The following IMPA1 variants were observed in gnomAD, a reference collection of about 807,000 sequenced individuals.
IMPA1 encodes the protein inositol monophosphatase 1, also known as D-galactose 1-phosphate phosphatase.
A neutral mutation model predicts 34.9 loss-of-function variants in IMPA1; 21 were observed. That is an observed-to-expected ratio of 0.60 (90% CI 0.43 to 0.87). The LOEUF (loss-of-function observed/expected upper bound fraction) is 0.87. IMPA1 is among the 40% of genes least tolerant of loss of function. The pLI, the probability that IMPA1 is intolerant of heterozygous loss-of-function variation, is 0.00. For synonymous variants in IMPA1, 95 were observed against 104.4 expected, an observed-to-expected ratio of 0.91 and a Z score of 0.55; for missense variants, 299 against 336.4, an observed-to-expected ratio of 0.89 and a Z score of 0.87.
intron 5 of IMPA1, 73 bp from the exon 6 acceptor site, chr8:81,674,022 G>T: frequency 2.3e-6 from 2 of 887,220 alleles, no homozygotes; most frequent in Non-Finnish European, 1.9e-6. Flanking sequence ...AAAATAACAA[G>T]ACAATCTGGT....
At chr8:81,684,428 T>C (rs10092874) in intron 1 of IMPA1, among the ~76,000 whole-genome samples, 1 of 144,914 alleles carries the variant, frequency 6.9e-6, no homozygotes, top group South Asian at 2.2e-4. Flanking sequence ...TAGTATACTA[T>C]ACATAAGTAT....
intron 7 of IMPA1, 29 bp downstream of exon 7, chr8:81,670,910 G>T: frequency 1.7e-6 from 2 of 1,159,848 alleles, no homozygotes; most frequent in Non-Finnish European, 2.5e-6. Context: ...TATACAAAGA[G>T]AGAGATAGAA....
At chr8:81,682,762 T>C (rs956978810) in intron 1 of IMPA1, among the ~76,000 whole-genome samples, 2 of 152,146 alleles carry the variant, frequency 1.3e-5, no homozygotes, top group Non-Finnish European at 2.9e-5. Flanking sequence ...ACAGCACTAA[T>C]GTAACTCTAC....
Position 81,673,931 on chromosome 8 carries a change from A to G in IMPA1, c.367T>C (p.Tyr123His). Reference protein sequence around the residue: ...VNKKIEFGVVYSCVEGKMYTA... With the variant: ...VNKKIEFGVVHSCVEGKMYTA... ...TACATCTTGCCTTCCACACAACTGT[A>G]CACAACTCCAAATTCTATCTGCAGA... The change falls in exon 6 of 9, where the codon TAC becomes CAC. Residue 123 changes from tyrosine (Y) to histidine (H), a missense_variant. Coordinates refer to ENST00000256108, the MANE Select transcript of IMPA1 (RefSeq NM_005536.4). The G allele has an allele frequency of 6.2e-7, 1 of 1,610,874 alleles. No homozygotes were observed. The highest frequency in any genetic ancestry group is 8.5e-7 in the Non-Finnish European group (1 of 1,177,308).
intron 7 of IMPA1, among the ~76,000 whole-genome samples, chr8:81,663,864 C>G (rs1806744711): frequency 6.6e-6 from 1 of 151,942 alleles, no homozygotes; most frequent in Non-Finnish European, 1.5e-5. Context: ...ATGGTGAAAC[C>G]CCATCTCTAC....
At chr8:81,680,344 C>G (rs192118115) in intron 3 of IMPA1, among the ~76,000 whole-genome samples, 1 of 152,092 alleles carries the variant, frequency 6.6e-6, no homozygotes, top group Non-Finnish European at 1.5e-5. Context: ...GTGCCACCTG[C>G]TCTGGACTAG....
chr8:81,662,482 CCAAA>C (rs1245244999), intron 7 of IMPA1, among the ~76,000 whole-genome samples: 1 of 152,110 alleles, frequency 6.6e-6, no homozygotes, highest in East Asian at 1.9e-4. Context: ...GAAAGGATTA[CCAAA>C]CAGATTACTT....
At chr8:81,666,374 C>A (rs1385379131) in intron 7 of IMPA1, among the ~76,000 whole-genome samples, 1 of 152,054 alleles carries the variant, frequency 6.6e-6, no homozygotes, top group Non-Finnish European at 1.5e-5. Context: ...TTATACCACA[C>A]AATAATACAA....
intron 8 of IMPA1, among the ~76,000 whole-genome samples, chr8:81,659,953 A>T (rs1160057025): frequency 6.6e-6 from 1 of 152,096 alleles, no homozygotes; most frequent in African/African-American, 2.4e-5. Context: ...TCCATCATCA[A>T]CTATCACCAT....
Position 81,684,778 on chromosome 8 carries a change from T to C in IMPA1, c.-25+1474A>G, listed in dbSNP as rs2556588. Among the ~76,000 whole-genome samples, 7 of 143,304 alleles carry C rather than the reference T, an allele frequency of 4.9e-5. No homozygotes were observed. In the East Asian group the frequency reaches 1.3e-3, roughly 26 times the overall value. The allele number at this position is 143,304 out of a possible 152,430, so 94.0% of individuals were successfully genotyped here. ...ATATTTAGATACTATGTGGAGTATA[T>C]ATACTACACATAAGTATATTTAGAT... On this transcript the variant is annotated intron_variant, in intron 1 of 8. Transcript: ENST00000256108.
chr8:81,659,064 C>T lies in IMPA1; in HGVS notation c.*287G>A. The stretch of plus-strand genomic sequence containing the variant: ...AGGGGACCATAGATATTTAGAAACA[C>T]AAAATTGCTAATTGACTATTTCAGT... On this transcript the variant is annotated 3_prime_UTR_variant, in exon 9 of 9. Transcript: ENST00000256108. 1 of 369,264 alleles carries T rather than the reference C, an allele frequency of 2.7e-6. No homozygotes were observed. 22.9% of individuals were successfully genotyped at this position (369,264 alleles called of 1,614,324 possible).
At position 81,679,667 on chromosome 8, in the gene IMPA1, G is replaced by GCTT. The variant is rs752186816; in HGVS notation, c.198-440_198-438dup. 2.6e-5 allele frequency among the ~76,000 whole-genome samples: 4 copies of GCTT among 151,218 alleles called. No homozygotes were observed. The East Asian group carries it at 7.8e-4, about 30-fold the overall frequency. ...CTGTACCCTACACTTTTCTATTGTTGCTTCTTCTTCCTTCAGGTAAAGACT... is the reference window on the plus strand; with the variant it reads ...CTGTACCCTACACTTTTCTATTGTTGCTTCTTCTTCTTCCTTCAGGTAAAGACT... On this transcript the variant is annotated intron_variant, in intron 3 of 8. Transcript: ENST00000256108.
At chr8:81,662,801 T>C (rs902039816) in intron 7 of IMPA1, among the ~76,000 whole-genome samples, 2 of 152,218 alleles carry the variant, frequency 1.3e-5, no homozygotes, top group African/African-American at 4.8e-5. Flanking sequence ...AAAATTGTTC[T>C]CTAAACCATG....
chr8:81,670,501 T>C (rs1171382238), intron 7 of IMPA1, among the ~76,000 whole-genome samples: 1 of 152,038 alleles, frequency 6.6e-6, no homozygotes, highest in Non-Finnish European at 1.5e-5. Flanking sequence ...ACAAAATAAG[T>C]GACAAGGTGG....
intron 1 of IMPA1, among the ~76,000 whole-genome samples, chr8:81,685,504 TAC>T (rs2130346376): frequency 6.9e-6 from 1 of 144,240 alleles, no homozygotes; most frequent in African/African-American, 2.5e-5. Flanking sequence ...TAAGTATATA[TAC>T]GTAAGTATAT....
intron 6 of IMPA1, among the ~76,000 whole-genome samples, chr8:81,671,326 A>C (rs902623956): frequency 2.6e-4 from 39 of 152,178 alleles, no homozygotes; most frequent in Admixed American, 7.2e-4. Flanking sequence ...TAAATATTTA[A>C]AAAGGAGAGA....
intron 7 of IMPA1, among the ~76,000 whole-genome samples, chr8:81,668,546 T>C (rs1806899716): frequency 1.3e-5 from 2 of 152,072 alleles, no homozygotes; most frequent in Admixed American, 6.5e-5. Context: ...TGAGCTATAA[T>C]TGCACCACTG....
chr8:81,684,975 T>A (rs1336210950), intron 1 of IMPA1, among the ~76,000 whole-genome samples: 1 of 134,268 alleles, frequency 7.4e-6, no homozygotes, highest in Non-Finnish European at 1.5e-5. Flanking sequence ...ATAGTATATA[T>A]ACTATACATA....
At chr8:81,673,003 C>T (rs1347658494) in intron 6 of IMPA1, among the ~76,000 whole-genome samples, 6 of 152,220 alleles carry the variant, frequency 3.9e-5, no homozygotes, top group Non-Finnish European at 7.3e-5. Context: ...AAGCTGGGAA[C>T]TATGTCAGGC....
Sources: gnomAD v4.1 joint callset for allele counts (sites outside exome capture counted in the v4.1 genomes callset) on GRCh38, gnomAD v4.1.1 for gene constraint, MANE v1.5 for transcripts, NCBI Gene and HGNC (gene_info 2026-07-23, HGNC 2026-07-21) for gene names.